SLC71A1: variants seen among roughly 807,000 people sequenced by gnomAD.
SLC71A1 encodes hippocampus abundant gene transcript 1.
the SLC71A1 span, among the ~76,000 whole-genome samples, chr1:100,072,713 G>A: frequency 2.0e-5 from 3 of 152,058 alleles, no homozygotes; most frequent in Admixed American, 6.6e-5. Flanking sequence ...ACCTTCCAGC[G>A]AGAGCCAAGT....
chr1:100,061,803 T>C, the SLC71A1 span: 1 of 1,296,276 alleles, frequency 7.7e-7, no homozygotes, highest in Non-Finnish European at 1.1e-6. Flanking sequence ...TGGTAATTGC[T>C]CTAACCATTT....
the SLC71A1 span, among the ~76,000 whole-genome samples, chr1:100,070,255 A>G: frequency 2.6e-5 from 4 of 152,242 alleles, no homozygotes; most frequent in East Asian, 7.7e-4. Flanking sequence ...ACGCAAAGGT[A>G]TGAGGAACAA....
the SLC71A1 span, chr1:100,080,610 C>G: frequency 1.9e-4 from 301 of 1,613,946 alleles, 1 homozygote; most frequent in Non-Finnish European, 2.5e-4. Context: ...CTGCCAATAA[C>G]AGGAACAGAC....
chr1:100,061,817 G>A, the SLC71A1 span: 1 of 1,459,894 alleles, frequency 6.8e-7, no homozygotes, highest in Non-Finnish European at 9.6e-7. Flanking sequence ...ACCATTTCTT[G>A]TTATCTTTCA....
the SLC71A1 span, among the ~76,000 whole-genome samples, chr1:100,067,239 A>G: frequency 6.6e-6 from 1 of 152,050 alleles, no homozygotes; most frequent in South Asian, 2.1e-4. Flanking sequence ...CTGAGAGGCT[A>G]TCATTTATTT....
chr1:100,041,463 A>T, the SLC71A1 span, among the ~76,000 whole-genome samples: 1 of 152,328 alleles, frequency 6.6e-6, no homozygotes. Flanking sequence ...AAAGGTCCAT[A>T]CTTCCCAAAA....
chr1:100,082,925 T>A, the SLC71A1 span: 3 of 152,556 alleles, frequency 2.0e-5, no homozygotes, highest in Admixed American at 6.6e-5. Context: ...ACTATTCTTT[T>A]AATGTTTGCA....
chr1:100,050,791 A>G, the SLC71A1 span, among the ~76,000 whole-genome samples: 1 of 152,170 alleles, frequency 6.6e-6, no homozygotes, highest in Admixed American at 6.5e-5. Context: ...GTTACTATCT[A>G]TACATAAAAT....
chr1:100,078,718 T>C, the SLC71A1 span: 15 of 520,174 alleles, frequency 2.9e-5, no homozygotes, highest in East Asian at 3.7e-4. Context: ...CTTAGGTAGA[T>C]ACATATTCCC....
chr1:100,056,296 A>G, the SLC71A1 span, among the ~76,000 whole-genome samples: 1 of 152,148 alleles, frequency 6.6e-6, no homozygotes, highest in South Asian at 2.1e-4. Flanking sequence ...GGCTTATTTC[A>G]CTTAACATAA....
chr1:100,066,666 T>G, the SLC71A1 span, among the ~76,000 whole-genome samples: 1 of 152,128 alleles, frequency 6.6e-6, no homozygotes, highest in African/African-American at 2.4e-5. Context: ...GTGCCCAGGC[T>G]CTCAACCCTT....
chr1:100,042,312 A>G, the SLC71A1 span, among the ~76,000 whole-genome samples: 1 of 152,220 alleles, frequency 6.6e-6, no homozygotes, highest in Non-Finnish European at 1.5e-5. Flanking sequence ...AAGTACCTGA[A>G]AAAAGTAAAA....
chr1:100,059,284 A>G, the SLC71A1 span, among the ~76,000 whole-genome samples: 4 of 149,588 alleles, frequency 2.7e-5, no homozygotes, highest in Non-Finnish European at 4.4e-5. Context: ...TCAGCCTCCT[A>G]AGTAGCTGGG....
the SLC71A1 span, among the ~76,000 whole-genome samples, chr1:100,062,668 T>G: frequency 6.6e-6 from 1 of 152,120 alleles, no homozygotes; most frequent in Non-Finnish European, 1.5e-5. Context: ...CTGAATATTG[T>G]GTTGGGCTGA....
chr1:100,060,030 A>G, the SLC71A1 span: 6 of 1,567,014 alleles, frequency 3.8e-6, no homozygotes, highest in Non-Finnish European at 5.2e-6. Context: ...AGATTATAGC[A>G]ACTAAATATC....
the SLC71A1 span, among the ~76,000 whole-genome samples, chr1:100,073,695 C>T: frequency 6.6e-6 from 1 of 152,180 alleles, no homozygotes; most frequent in Non-Finnish European, 1.5e-5. Flanking sequence ...CTTTGACTTA[C>T]TCACCCATGC....
At chr1:100,080,571 T>G in the SLC71A1 span, 1 of 1,614,096 alleles carries the variant, frequency 6.2e-7, no homozygotes, top group Non-Finnish European at 8.5e-7. Flanking sequence ...GGATTCATTT[T>G]CTACATATTC....
At chr1:100,054,207 A>AATTTTATTTTATT in the SLC71A1 span, among the ~76,000 whole-genome samples, 1 of 150,914 alleles carries the variant, frequency 6.6e-6, no homozygotes, top group Non-Finnish European at 1.5e-5. Context: ...ACGCCCAGCT[A>AATTTTATTTTATT]ATTTTTTTTT....
chr1:100,041,066 T>A, the SLC71A1 span, among the ~76,000 whole-genome samples: 14 of 152,330 alleles, frequency 9.2e-5, no homozygotes, highest in African/African-American at 3.4e-4. Context: ...TAATGACATA[T>A]ATGTAAGCCT....
Sources: gnomAD v4.1 joint callset for allele counts (sites outside exome capture counted in the v4.1 genomes callset) on GRCh38, gnomAD v4.1.1 for gene constraint, MANE v1.5 for transcripts, NCBI Gene and HGNC (gene_info 2026-07-23, HGNC 2026-07-21) for gene names.